Variants in PDE4D observed in about 807,000 individuals in gnomAD.
PDE4D encodes the protein 3',5'-cyclic-AMP phosphodiesterase 4D.
Under a neutral mutation model 87.4 loss-of-function variants are expected in PDE4D, and 24 were observed. The observed-to-expected ratio is 0.27, with a 90% CI of 0.20 to 0.39. PDE4D has a LOEUF of 0.39. PDE4D is among the 10% of genes least tolerant of loss of function. The pLI is 1.00. For missense variants in PDE4D, 714 were observed against 1,041.0 expected (o/e 0.69, Z 4.32); for synonymous variants, 384 against 383.2 (o/e 1.00, Z -0.02).
intron 1 of PDE4D, among the ~76,000 whole-genome samples, chr5:59,342,531 AT>A (rs1778901452): frequency 6.6e-6 from 1 of 152,136 alleles, no homozygotes; most frequent in Non-Finnish European, 1.5e-5. Flanking sequence ...ATAAATTGAA[AT>A]GTTGAAATGA....
At chr5:59,474,876 T>A (rs1208423734) in intron 1 of PDE4D, among the ~76,000 whole-genome samples, 1 of 152,118 alleles carries the variant, frequency 6.6e-6, no homozygotes, top group Non-Finnish European at 1.5e-5. Flanking sequence ...AACTAAGGGT[T>A]TGACTTAATT....
At chr5:59,365,248 C>T (rs1217039019) in intron 1 of PDE4D, among the ~76,000 whole-genome samples, 1 of 152,104 alleles carries the variant, frequency 6.6e-6, no homozygotes, top group Admixed American at 6.5e-5. Flanking sequence ...CTCTTGAGCC[C>T]AGGAGTTGGA....
chr5:59,524,680 C>T (rs1274456870), intron 1 of PDE4D, among the ~76,000 whole-genome samples: 1 of 152,196 alleles, frequency 6.6e-6, no homozygotes, highest in African/African-American at 2.4e-5. Context: ...TTCACAGCAG[C>T]CCCTCCTATT....
intron 1 of PDE4D, among the ~76,000 whole-genome samples, chr5:60,375,443 TAC>T (rs1761357150): frequency 6.6e-6 from 1 of 152,216 alleles, no homozygotes; most frequent in African/African-American, 2.4e-5. Flanking sequence ...ATCATTATTT[TAC>T]AGATAAGAAA....
At chr5:60,297,151 C>A (rs1038900591) in intron 1 of PDE4D, among the ~76,000 whole-genome samples, 13 of 152,184 alleles carry the variant, frequency 8.5e-5, no homozygotes, top group African/African-American at 3.1e-4. Flanking sequence ...GAAAAATGTA[C>A]CTGCTTCTCT....
intron 1 of PDE4D, among the ~76,000 whole-genome samples, chr5:59,856,383 A>G (rs1282228765): frequency 6.6e-6 from 1 of 151,720 alleles, no homozygotes; most frequent in African/African-American, 2.4e-5. Context: ...TCACTAATCT[A>G]TAAAAAATTA....
intron 1 of PDE4D, among the ~76,000 whole-genome samples, chr5:60,193,538 C>T (rs1785368882): frequency 1.3e-5 from 2 of 151,166 alleles, no homozygotes; most frequent in African/African-American, 2.4e-5. Flanking sequence ...GGCGAGGTGG[C>T]GGGCGCCTGT....
At chr5:60,147,119 G>A (rs1309809526) in intron 2 of PDE4D, among the ~76,000 whole-genome samples, 1 of 152,138 alleles carries the variant, frequency 6.6e-6, no homozygotes, top group African/African-American at 2.4e-5. Context: ...AGGACTATGA[G>A]CAGCCCTATA....
chr5:60,329,518 G>A (rs7735149), intron 1 of PDE4D, among the ~76,000 whole-genome samples: 38,977 of 151,234 alleles, frequency 0.26, 5,479 homozygotes, highest in East Asian at 0.48. Flanking sequence ...ATGGACTAAT[G>A]TACCTATTAA....
intron 1 of PDE4D, among the ~76,000 whole-genome samples, chr5:59,727,165 G>C (rs1258161906): frequency 6.6e-6 from 1 of 152,030 alleles, no homozygotes; most frequent in Non-Finnish European, 1.5e-5. Context: ...TCCAACAATA[G>C]CCTCCTGACA....
At chr5:59,067,526 A>C (rs1044851031) in intron 5 of PDE4D, among the ~76,000 whole-genome samples, 5 of 152,184 alleles carry the variant, frequency 3.3e-5, no homozygotes, top group Admixed American at 6.6e-5. Flanking sequence ...ATGGCATTTA[A>C]ATATTGACTA....
At chr5:59,703,063 TC>T (rs1375302673) in intron 1 of PDE4D, among the ~76,000 whole-genome samples, 3 of 152,098 alleles carry the variant, frequency 2.0e-5, no homozygotes, top group Admixed American at 2.0e-4. Flanking sequence ...ATAGAAATGT[TC>T]CCTGAGTCTC....
chr5:60,135,996 G>A (rs1780006032), intron 2 of PDE4D, among the ~76,000 whole-genome samples: 1 of 152,104 alleles, frequency 6.6e-6, no homozygotes, highest in Non-Finnish European at 1.5e-5. Flanking sequence ...TGGGAAACTT[G>A]TAATTTTTCA....
intron 1 of PDE4D, among the ~76,000 whole-genome samples, chr5:59,511,632 T>C (rs1487594997): frequency 6.6e-6 from 1 of 152,042 alleles, no homozygotes; most frequent in Non-Finnish European, 1.5e-5. Context: ...AAAACAAGTA[T>C]AAAATTCCTT....
At chr5:59,312,293 A>G (rs1017002317) in intron 1 of PDE4D, among the ~76,000 whole-genome samples, 6 of 152,228 alleles carry the variant, frequency 3.9e-5, no homozygotes, top group African/African-American at 1.4e-4. Context: ...TACTCCTGGG[A>G]CAAGCCCTTT....
At chr5:60,131,360 AT>A (rs1468800401) in intron 2 of PDE4D, among the ~76,000 whole-genome samples, 1 of 152,172 alleles carries the variant, frequency 6.6e-6, no homozygotes, top group Non-Finnish European at 1.5e-5. Flanking sequence ...CCTTCCCTGT[AT>A]CCACCCTTTT....
chr5:60,494,548 A>T (rs1451432843), intron 1 of PDE4D, among the ~76,000 whole-genome samples: 3 of 152,152 alleles, frequency 2.0e-5, no homozygotes, highest in African/African-American at 7.2e-5. Flanking sequence ...TTGTCTTTAG[A>T]GCCTTTCCTC....
At chr5:59,132,662 T>C (rs765281074) in intron 5 of PDE4D, among the ~76,000 whole-genome samples, 2 of 152,230 alleles carry the variant, frequency 1.3e-5, no homozygotes, top group Non-Finnish European at 2.9e-5. Flanking sequence ...CTGTTTGCTA[T>C]TCCTGTTACA....
chr5:59,550,708 T>TTA lies in PDE4D; in HGVS notation c.456-334741_456-334740insTA, dbSNP rs1554023939. 4.6e-5 allele frequency among the ~76,000 whole-genome samples: 7 copies of TTA among 151,632 alleles called. No individual in the cohort carries two copies. In the East Asian group the frequency reaches 1.4e-3, roughly 29 times the overall value. ...TCCTTATTAATTTCTAAGAATTTTTTTTTTTTTGAGACAGAGTCTCACTCT... is the reference window on the plus strand; with the variant it reads ...TCCTTATTAATTTCTAAGAATTTTTTTATTTTTTTGAGACAGAGTCTCACTCT... On this transcript the variant is annotated intron_variant, in intron 1 of 14. Transcript: ENST00000340635.
Sources: gnomAD v4.1 joint callset for allele counts (sites outside exome capture counted in the v4.1 genomes callset) on GRCh38, gnomAD v4.1.1 for gene constraint, MANE v1.5 for transcripts, NCBI Gene and HGNC (gene_info 2026-07-23, HGNC 2026-07-21) for gene names.